SLC10A6: variants seen among roughly 807,000 people sequenced by gnomAD.
The protein encoded by SLC10A6 is solute carrier family 10 member 6.
SLC10A6 carries 27 observed loss-of-function variants against 30.0 expected under a neutral mutation model. That is an observed-to-expected ratio of 0.90 (90% CI 0.66 to 1.24). SLC10A6 has a LOEUF of 1.24. Ranked by LOEUF, SLC10A6 falls within the 50% of genes most tolerant of loss-of-function variation. The pLI, the probability that SLC10A6 is intolerant of heterozygous loss-of-function variation, is 0.00. For synonymous variants in SLC10A6, 166 were observed against 173.8 expected, an observed-to-expected ratio of 0.95 and a Z score of 0.36; for missense variants, 439 against 457.0, an observed-to-expected ratio of 0.96 and a Z score of 0.36.
intron 1 of SLC10A6, among the ~76,000 whole-genome samples, chr4:86,844,015 A>T (rs1313842371): frequency 6.6e-6 from 1 of 151,958 alleles, no homozygotes; most frequent in Admixed American, 6.6e-5. Flanking sequence ...CATCTCTACT[A>T]AAAATACAAA....
intron 1 of SLC10A6, among the ~76,000 whole-genome samples, chr4:86,837,071 A>G (rs1329330568): frequency 6.6e-6 from 1 of 151,576 alleles, no homozygotes; most frequent in Non-Finnish European, 1.5e-5. Flanking sequence ...TGTATTTTCC[A>G]TATATATTTT....
intron 1 of SLC10A6, among the ~76,000 whole-genome samples, chr4:86,843,202 C>T (rs897669153): frequency 2.6e-5 from 4 of 151,952 alleles, no homozygotes; most frequent in African/African-American, 9.7e-5. Context: ...TTTTGTAATA[C>T]ACACAGGCAA....
chr4:86,848,403 G>A (rs1373524817), intron 1 of SLC10A6, among the ~76,000 whole-genome samples: 1 of 152,158 alleles, frequency 6.6e-6, no homozygotes, highest in African/African-American at 2.4e-5. Context: ...GGGATTCTTG[G>A]TTTAAGTCCT....
At position 86,828,013 on chromosome 4, in the gene SLC10A6, A is replaced by G; in HGVS notation, c.741T>C (p.Phe247=). 2 of 1,613,810 alleles carry G rather than the reference A, an allele frequency of 1.2e-6. No individual in the cohort carries two copies. The highest frequency in any genetic ancestry group is 1.3e-5 in the African/African-American group (1 of 75,006). The change falls in exon 4 of 6, where the codon TTT becomes TTC. Residue 247 remains phenylalanine (F), a synonymous_variant. Transcript: ENST00000273905. Reference sequence around the variant, plus strand: ...TATACCTTTGCCAAGACTGGTGGGTAAAAAGTGCCAGCAGAAAACCCGTGA... The same window carrying G: ...TATACCTTTGCCAAGACTGGTGGGTGAAAAGTGCCAGCAGAAAACCCGTGA... ...GHVTGFLLAL[F]THQSWQRCRT... is the part of the protein sequence containing the mutation.
intron 1 of SLC10A6, among the ~76,000 whole-genome samples, chr4:86,838,912 CAAAAAAAA>C (rs149710895): frequency 4.2e-4 from 32 of 75,908 alleles, no homozygotes; most frequent in African/African-American, 1.5e-3. Flanking sequence ...GACAGTGTCT[CAAAAAAAA>C]AAAAAAAAAA....
At chr4:86,828,619 C>T (rs1746034811) in intron 3 of SLC10A6, among the ~76,000 whole-genome samples, 1 of 152,000 alleles carries the variant, frequency 6.6e-6, no homozygotes, top group African/African-American at 2.4e-5. Flanking sequence ...CTTCAACCAC[C>T]AGCAGCTGCC....
intron 1 of SLC10A6, among the ~76,000 whole-genome samples, chr4:86,844,731 G>A (rs1349764125): frequency 2.0e-5 from 3 of 152,168 alleles, no homozygotes; most frequent in African/African-American, 7.2e-5. Context: ...CTGCTGTAAA[G>A]AAATACCCAA....
chr4:86,831,067 G>T (rs1295293759), intron 3 of SLC10A6, among the ~76,000 whole-genome samples: 1 of 152,102 alleles, frequency 6.6e-6, no homozygotes, highest in Non-Finnish European at 1.5e-5. Flanking sequence ...CAACCTCCTG[G>T]CCTCAAGCAA....
chr4:86,842,874 C>CTTTCTTTCTTTCTTTCTCTT (rs1560461934), intron 1 of SLC10A6, among the ~76,000 whole-genome samples: 1 of 42,790 alleles, frequency 2.3e-5, no homozygotes, highest in African/African-American at 2.4e-4. Flanking sequence ...TTCTTTCTTT[C>CTTTCTTTCTTTCTTTCTCTT]TTTTTTTTTT....
At chr4:86,840,109 G>A (rs1746267105) in intron 1 of SLC10A6, among the ~76,000 whole-genome samples, 2 of 151,084 alleles carry the variant, frequency 1.3e-5, no homozygotes, top group Admixed American at 1.3e-4. Flanking sequence ...TAGTAGAGAT[G>A]GGTTTTACCA....
intron 1 of SLC10A6, among the ~76,000 whole-genome samples, chr4:86,847,996 A>T (rs1354529626): frequency 6.6e-6 from 1 of 152,144 alleles, no homozygotes; most frequent in Non-Finnish European, 1.5e-5. Flanking sequence ...AAAGCATGTG[A>T]CTAATTCATC....
At chr4:86,827,509 A>G (rs1036220549) in intron 4 of SLC10A6, among the ~76,000 whole-genome samples, 3 of 152,340 alleles carry the variant, frequency 2.0e-5, no homozygotes, top group African/African-American at 7.2e-5. Context: ...CACCTTTGGA[A>G]TTCAACTGCA....
At chr4:86,840,634 A>G (rs1183865689) in intron 1 of SLC10A6, among the ~76,000 whole-genome samples, 1 of 152,220 alleles carries the variant, frequency 6.6e-6, no homozygotes, top group Non-Finnish European at 1.5e-5. Context: ...AAGTGTGTCA[A>G]TATAATCTAC....
chr4:86,841,122 G>C (rs1272348313), intron 1 of SLC10A6, among the ~76,000 whole-genome samples: 2 of 152,064 alleles, frequency 1.3e-5, no homozygotes, highest in Non-Finnish European at 2.9e-5. Flanking sequence ...CTTTACTCTT[G>C]AACTTCTGGA....
At position 86,826,260 on chromosome 4, in the gene SLC10A6, A is replaced by C. The variant is rs1745998323; in HGVS notation, c.762-683T>G. 3.9e-5 allele frequency among the ~76,000 whole-genome samples: 6 copies of C among 152,156 alleles called. No individual in the cohort carries two copies. In the South Asian group the frequency reaches 1.2e-3, roughly 32 times the overall value. ...TATATTTTTGAAAGACATATGAAAC[A>C]ATATAAACTAACCAACACTTAAAAA... On this transcript the variant is annotated intron_variant, in intron 4 of 5. Coordinates refer to ENST00000273905, the MANE Select transcript of SLC10A6 (RefSeq NM_197965.3).
Position 86,823,920 on chromosome 4 carries a change from C to A in SLC10A6, c.920-18G>T. ...CTGATATGCTAGGTGTTAAAACATACAAGTATTAACAATCACTTTAACAAA... is the reference window on the plus strand; with the variant it reads ...CTGATATGCTAGGTGTTAAAACATAAAAGTATTAACAATCACTTTAACAAA... On this transcript the variant is annotated intron_variant, in intron 5 of 5. Transcript: ENST00000273905. 1.3e-6 allele frequency: 2 copies of A among 1,564,682 alleles called. No individual in the cohort carries two copies. The highest frequency in any genetic ancestry group is 1.7e-6 in the Non-Finnish European group (2 of 1,151,356).
chr4:86,843,182 T>C (rs1263932292), intron 1 of SLC10A6, among the ~76,000 whole-genome samples: 1 of 151,018 alleles, frequency 6.6e-6, no homozygotes, highest in Non-Finnish European at 1.5e-5. Context: ...GGACCTCTTT[T>C]GAGGGTTGTT....
Position 86,823,910 on chromosome 4 carries a change from T to G in SLC10A6, c.920-8A>C. The G allele has an allele frequency of 6.3e-7, 1 of 1,591,916 alleles. No individual in the cohort carries two copies. ...TCTTGTACGTCTGATATGCTAGGTG[T>G]TAAAACATACAAGTATTAACAATCA... On this transcript the variant is annotated splice_region_variant and splice_polypyrimidine_tract_variant and intron_variant, in intron 5 of 5. Coordinates refer to ENST00000273905, the MANE Select transcript of SLC10A6 (RefSeq NM_197965.3).
At chr4:86,838,421 C>T (rs1246234942) in intron 1 of SLC10A6, among the ~76,000 whole-genome samples, 1 of 152,104 alleles carries the variant, frequency 6.6e-6, no homozygotes, top group African/African-American at 2.4e-5. Flanking sequence ...TGGAAGAGCT[C>T]GTTAAATACT....
Sources: allele counts gnomAD v4.1 joint callset (sites outside exome capture counted in the v4.1 genomes callset), GRCh38; gene constraint gnomAD v4.1.1; transcripts MANE v1.5; gene names NCBI Gene and HGNC (gene_info 2026-07-23, HGNC 2026-07-21).